PRKG1: variants seen among roughly 807,000 people sequenced by gnomAD.
The protein encoded by PRKG1 is protein kinase cGMP-dependent 1.
PRKG1 carries 35 observed loss-of-function variants against 88.1 expected under a neutral mutation model. The observed-to-expected ratio is 0.40, with a 90% CI of 0.30 to 0.53. The LOEUF (loss-of-function observed/expected upper bound fraction) is 0.53. Among genes scored for constraint, PRKG1 ranks in the 20% least tolerant of loss-of-function variants. The pLI, the probability that PRKG1 is intolerant of heterozygous loss-of-function variation, is 0.59. For synonymous variants in PRKG1, 303 were observed against 292.5 expected (o/e 1.04, Z -0.37); for missense variants, 540 against 839.8 (o/e 0.64, Z 4.41).
At chr10:51,160,253 C>T (rs181780523) in intron 2 of PRKG1, among the ~76,000 whole-genome samples, 9 of 152,260 alleles carry the variant, frequency 5.9e-5, no homozygotes, top group Admixed American at 5.9e-4. Context: ...AATAATTTTG[C>T]ACGTATTCTT....
intron 9 of PRKG1, among the ~76,000 whole-genome samples, chr10:52,180,530 G>C (rs1475445227): frequency 6.6e-6 from 1 of 152,148 alleles, no homozygotes; most frequent in Admixed American, 6.5e-5. Context: ...GGTTGGATAG[G>C]GAAAGATTTT....
intron 4 of PRKG1, among the ~76,000 whole-genome samples, chr10:51,834,057 A>G (rs1840067671): frequency 6.6e-6 from 1 of 152,162 alleles, no homozygotes; most frequent in African/African-American, 2.4e-5. Flanking sequence ...TTAGGGCTAA[A>G]TAGTATTCCA....
intron 1 of PRKG1, among the ~76,000 whole-genome samples, chr10:51,066,501 A>G (rs1843751512): frequency 6.6e-6 from 1 of 152,136 alleles, no homozygotes; most frequent in African/African-American, 2.4e-5. Flanking sequence ...GTGTATGTAG[A>G]TAGCAATAGG....
chr10:51,903,561 A>G (rs1000774801), intron 4 of PRKG1, among the ~76,000 whole-genome samples: 8 of 152,184 alleles, frequency 5.3e-5, no homozygotes, highest in Non-Finnish European at 8.8e-5. Context: ...TAAACAAAAA[A>G]TGATACATGT....
chr10:51,728,453 GTTTTTTTTTTTTTTT>G (rs56975031), intron 3 of PRKG1, among the ~76,000 whole-genome samples: 1 of 58,806 alleles, frequency 1.7e-5, no homozygotes, highest in Non-Finnish European at 3.6e-5. Context: ...TTTTTTCTTT[GTTTTTTTTTTTTTTT>G]TTTTTTTTTT....
At chr10:51,390,469 C>A (rs753632448) in intron 2 of PRKG1, among the ~76,000 whole-genome samples, 2 of 152,200 alleles carry the variant, frequency 1.3e-5, no homozygotes, top group Non-Finnish European at 2.9e-5. Flanking sequence ...GCAATATGTT[C>A]ATGGGAAAGA....
chr10:51,047,384 G>A (rs141828038), intron 1 of PRKG1, among the ~76,000 whole-genome samples: 2 of 152,274 alleles, frequency 1.3e-5, no homozygotes, highest in African/African-American at 4.8e-5. Flanking sequence ...TGCAAAACAC[G>A]TAGCTTGTTG....
chr10:51,124,909 T>C (rs1845358989), intron 1 of PRKG1, among the ~76,000 whole-genome samples: 1 of 152,202 alleles, frequency 6.6e-6, no homozygotes. Context: ...ACAAAGATGC[T>C]CTCCTTTGAG....
intron 7 of PRKG1, among the ~76,000 whole-genome samples, chr10:52,107,224 A>G (rs1392188242): frequency 1.3e-5 from 2 of 152,206 alleles, no homozygotes; most frequent in Non-Finnish European, 2.9e-5. Flanking sequence ...AAGGGGAGAA[A>G]TATCCTCTCA....
chr10:52,013,738 T>C (rs1032467630), intron 5 of PRKG1, among the ~76,000 whole-genome samples: 1 of 152,204 alleles, frequency 6.6e-6, no homozygotes, highest in East Asian at 1.9e-4. Context: ...GACCCCTTGA[T>C]GAATTTTAGA....
chr10:51,125,257 G>C (rs997227625), intron 1 of PRKG1, among the ~76,000 whole-genome samples: 10 of 152,102 alleles, frequency 6.6e-5, no homozygotes, highest in Non-Finnish European at 1.5e-4. Context: ...CTGGAAAATA[G>C]AGGTGGCAGT....
intron 1 of PRKG1, among the ~76,000 whole-genome samples, chr10:51,091,014 A>G (rs940751414): frequency 6.6e-6 from 1 of 152,168 alleles, no homozygotes; most frequent in African/African-American, 2.4e-5. Flanking sequence ...CTGTATCTCA[A>G]GATGTCTTTT....
chr10:51,919,027 G>T (rs1842404991), intron 5 of PRKG1, among the ~76,000 whole-genome samples: 1 of 152,124 alleles, frequency 6.6e-6, no homozygotes, highest in Non-Finnish European at 1.5e-5. Context: ...AGAATACAAA[G>T]CTTGTTTGTG....
intron 2 of PRKG1, among the ~76,000 whole-genome samples, chr10:51,426,611 C>A (rs1838593087): frequency 6.6e-6 from 1 of 152,060 alleles, no homozygotes. Context: ...AGAGACCTTG[C>A]TATCCAATTA....
intron 4 of PRKG1, among the ~76,000 whole-genome samples, chr10:51,813,976 G>T (rs149751131): frequency 6.6e-6 from 1 of 152,270 alleles, no homozygotes; most frequent in Admixed American, 6.5e-5. Flanking sequence ...GCTTTCAGTT[G>T]TTTGGAAACC....
chr10:51,523,586 A>G (rs1841793284), intron 3 of PRKG1, among the ~76,000 whole-genome samples: 1 of 152,184 alleles, frequency 6.6e-6, no homozygotes, highest in Non-Finnish European at 1.5e-5. Context: ...AGAAAGGATC[A>G]TGGTGACAAT....
At chr10:51,817,661 T>C (rs918741582) in intron 4 of PRKG1, among the ~76,000 whole-genome samples, 5 of 152,146 alleles carry the variant, frequency 3.3e-5, no homozygotes, top group African/African-American at 1.2e-4. Context: ...AATAAACATA[T>C]GTGTTGTTGT....
At chr10:51,286,668 C>T (rs1840448981) in intron 2 of PRKG1, among the ~76,000 whole-genome samples, 1 of 152,150 alleles carries the variant, frequency 6.6e-6, no homozygotes, top group African/African-American at 2.4e-5. Context: ...TTCATCATTT[C>T]AAACATTTGT....
At chr10:51,564,971 T>C (rs1837562183) in intron 3 of PRKG1, among the ~76,000 whole-genome samples, 1 of 152,046 alleles carries the variant, frequency 6.6e-6, no homozygotes, top group Non-Finnish European at 1.5e-5. Flanking sequence ...TTTTGCTTTG[T>C]TGAATAGTTT....
Sources: allele counts gnomAD v4.1 joint callset (sites outside exome capture counted in the v4.1 genomes callset), GRCh38; gene constraint gnomAD v4.1.1; transcripts MANE v1.5; gene names NCBI Gene and HGNC (gene_info 2026-07-23, HGNC 2026-07-21).